SCARA5: variants seen among roughly 807,000 people sequenced by gnomAD.
SCARA5 encodes scavenger receptor class A, member 5 (putative).
In SCARA5, 45 loss-of-function variants were observed where a neutral mutation model predicts 46.3. That is an observed-to-expected ratio of 0.97 (90% CI 0.76 to 1.24). SCARA5 has a LOEUF of 1.24. SCARA5 is among the 50% of genes most tolerant of loss of function. The pLI is 0.00. For missense variants in SCARA5, 680 were observed against 689.0 expected, an observed-to-expected ratio of 0.99 and a Z score of 0.15; for synonymous variants, 333 against 306.5, an observed-to-expected ratio of 1.09 and a Z score of -0.90.
intron 3 of SCARA5, among the ~76,000 whole-genome samples, chr8:27,964,894 C>G (rs1808345206): frequency 6.6e-6 from 1 of 152,176 alleles, no homozygotes; most frequent in African/African-American, 2.4e-5. Context: ...GTTCTGGTTT[C>G]CTGTTGGGCT....
In SCARA5 at chr8:27,966,487, C is replaced by T. The variant is rs140665062; in HGVS notation, c.168G>A (p.Ser56=). The change falls in exon 3 of 9, where the codon TCG becomes TCA. Residue 56 remains serine (S), a synonymous_variant. Transcript: ENST00000354914. ...GCCCCAGGACAGCATGCTTCAGGGC[C>T]GACAGGGACCCCAGCTGGGTACAGC... The part of the protein sequence containing the change: ...SICCTQLGSL[S]ALKHAVLGLY... 1,546 of 1,613,760 alleles carry T rather than the reference C, an allele frequency of 9.6e-4. 3 individuals carry two copies. The highest frequency in any genetic ancestry group is 1.2e-3 in the Non-Finnish European group (1,398 of 1,179,856).
chr8:27,947,529 G>T lies in SCARA5; in HGVS notation c.241+18885C>A, dbSNP rs1398697800. 2.6e-5 allele frequency among the ~76,000 whole-genome samples: 4 copies of T among 152,138 alleles called. No individual in the cohort carries two copies. The East Asian group carries it at 5.8e-4, about 22-fold the overall frequency. ...GCAGAATGTGGTCTAGCCAAGCAAT[G>T]AAATAGTATTTAGCCTTACAAAGGA... On this transcript the variant is annotated intron_variant, in intron 3 of 8. Coordinates refer to ENST00000354914, the MANE Select transcript of SCARA5 (RefSeq NM_173833.6).
At chr8:27,888,846 G>A (rs1172286862) in intron 7 of SCARA5, among the ~76,000 whole-genome samples, 1 of 152,196 alleles carries the variant, frequency 6.6e-6, no homozygotes, top group African/African-American at 2.4e-5. Flanking sequence ...CCCTAGGAGA[G>A]GAAAGTGGTT....
intron 3 of SCARA5, among the ~76,000 whole-genome samples, chr8:27,925,474 T>A: frequency 6.6e-6 from 1 of 152,168 alleles, no homozygotes; most frequent in East Asian, 1.9e-4. Context: ...TTACACCTTA[T>A]ACAAAAATTA....
intron 3 of SCARA5, among the ~76,000 whole-genome samples, chr8:27,954,187 G>A (rs1261099797): frequency 6.6e-6 from 1 of 152,104 alleles, no homozygotes; most frequent in Non-Finnish European, 1.5e-5. Context: ...TCTGCTGTCA[G>A]GGACCTTAAA....
At chr8:27,989,161 G>A (rs1365900022) in intron 1 of SCARA5, among the ~76,000 whole-genome samples, 3 of 118,944 alleles carry the variant, frequency 2.5e-5, no homozygotes, top group Non-Finnish European at 4.9e-5. Context: ...TTTGAGACAG[G>A]GTCTCACTCT....
chr8:27,942,040 G>A (rs1807954869), intron 3 of SCARA5, among the ~76,000 whole-genome samples: 1 of 151,784 alleles, frequency 6.6e-6, no homozygotes. Context: ...TGTTGCCCAG[G>A]CTGGTCTTGA....
intron 3 of SCARA5, among the ~76,000 whole-genome samples, chr8:27,948,483 G>A (rs1426504603): frequency 4.6e-5 from 7 of 152,200 alleles, no homozygotes; most frequent in African/African-American, 1.7e-4. Context: ...AGGCGGCAGG[G>A]CCTGGGGCTG....
intron 2 of SCARA5, among the ~76,000 whole-genome samples, chr8:27,968,716 TAGG>T (rs1270899648): frequency 6.6e-6 from 1 of 152,186 alleles, no homozygotes; most frequent in Non-Finnish European, 1.5e-5. Context: ...CATGACAGAA[TAGG>T]AGGAGGAAAA....
In SCARA5 at chr8:27,921,662, C is replaced by T; in HGVS notation, c.825G>A (p.Gln275=). ...AHVGMELQLK[Q]ELAMLNAVTE... ...TGACCGCGTTGAGCATGGCCAGCTC[C>T]TGCTTCAGCTGCAGCTCCATGCCTA... Residue 275 remains glutamine (Q), a synonymous_variant, in exon 4 of 9, where the codon CAG becomes CAA. Coordinates refer to ENST00000354914, the MANE Select transcript of SCARA5 (RefSeq NM_173833.6). The T allele has an allele frequency of 1.2e-6, 2 of 1,609,096 alleles. No individual in the cohort carries two copies. The highest frequency in any genetic ancestry group is 1.3e-5 in the African/African-American group (1 of 74,934).
At chr8:27,923,941 TC>T (rs1174781041) in intron 3 of SCARA5, among the ~76,000 whole-genome samples, 1 of 152,146 alleles carries the variant, frequency 6.6e-6, no homozygotes, top group African/African-American at 2.4e-5. Context: ...CCCCACCCCT[TC>T]CTCTTGGAGG....
At chr8:27,910,337 C>T (rs1346560460) in intron 4 of SCARA5, 1 of 152,350 alleles carries the variant, frequency 6.6e-6, no homozygotes, top group Non-Finnish European at 1.5e-5. Context: ...TTTGTTGTGG[C>T]AGCCTGGGCT....
rs772342453 is a variant in SCARA5 at position 27,871,924 on chromosome 8, C to A, written c.*10G>T. 1 of 1,613,972 alleles carries A rather than the reference C, an allele frequency of 6.2e-7. No individual in the cohort carries two copies. The highest frequency in any genetic ancestry group is 8.5e-7 in the Non-Finnish European group (1 of 1,180,042). On this transcript the variant is annotated 3_prime_UTR_variant, in exon 9 of 9. Transcript: ENST00000354914. ...CTGTGCAGGACCCCGAACTTGGGCT[C>A]TGCCCACTTTCAGTGTCTGTTGCAT...
At chr8:27,917,197 T>C (rs1389305099) in intron 4 of SCARA5, among the ~76,000 whole-genome samples, 1 of 152,118 alleles carries the variant, frequency 6.6e-6, no homozygotes, top group African/African-American at 2.4e-5. Context: ...CCATCAAGAA[T>C]CCAAAGCTTA....
chr8:27,926,019 A>G (rs1807674384), intron 3 of SCARA5, among the ~76,000 whole-genome samples: 1 of 152,232 alleles, frequency 6.6e-6, no homozygotes, highest in Admixed American at 6.5e-5. Flanking sequence ...AATTAGTTCA[A>G]CCATCGTGGA....
intron 2 of SCARA5, 97 bp from the exon 3 acceptor site, chr8:27,966,639 A>G: frequency 1.5e-6 from 2 of 1,325,324 alleles, no homozygotes; most frequent in South Asian, 1.5e-5. Context: ...ATGCATGCAG[A>G]TGTTCATGTT....
intron 4 of SCARA5, chr8:27,910,330 G>A (rs1300590557): frequency 6.6e-6 from 1 of 152,362 alleles, no homozygotes; most frequent in Non-Finnish European, 1.5e-5. Flanking sequence ...ATGGTATTTT[G>A]TTGTGGCAGC....
chr8:27,947,672 G>A (rs540912895), intron 3 of SCARA5, among the ~76,000 whole-genome samples: 28 of 148,126 alleles, frequency 1.9e-4, no homozygotes, highest in Admixed American at 1.6e-3. Flanking sequence ...GCCCAAGTCC[G>A]AGACCAGCCT....
At chr8:27,916,339 TC>T (rs1330818546) in intron 4 of SCARA5, among the ~76,000 whole-genome samples, 1 of 152,204 alleles carries the variant, frequency 6.6e-6, no homozygotes, top group African/African-American at 2.4e-5. Context: ...GTATATGTGT[TC>T]ATATGTATGT....
Sources: gnomAD v4.1 joint callset for allele counts (sites outside exome capture counted in the v4.1 genomes callset) on GRCh38, gnomAD v4.1.1 for gene constraint, MANE v1.5 for transcripts, NCBI Gene and HGNC (gene_info 2026-07-23, HGNC 2026-07-21) for gene names.